Variants in RRM1 observed in about 807,000 individuals in gnomAD.
The protein encoded by RRM1 is ribonucleoside-diphosphate reductase large subunit.
A neutral mutation model predicts 101.5 loss-of-function variants in RRM1; 19 were observed. The observed-to-expected ratio is 0.19, with a 90% CI of 0.13 to 0.27. The LOEUF (loss-of-function observed/expected upper bound fraction) is 0.27, where lower values mean the gene tolerates loss of function less well. Among genes scored for constraint, RRM1 ranks in the 10% least tolerant of loss-of-function variants. The pLI is 1.00. For synonymous variants in RRM1, 298 were observed against 323.4 expected (o/e 0.92, Z 0.84); for missense variants, 500 against 962.9 (o/e 0.52, Z 6.36).
intron 1 of RRM1, among the ~76,000 whole-genome samples, chr11:4,101,063 A>G (rs2094550253): frequency 6.6e-6 from 1 of 152,214 alleles, no homozygotes; most frequent in South Asian, 2.1e-4. Flanking sequence ...CAGATGGGGT[A>G]AGTGCAATGG....
At chr11:4,110,226 CACTTCAACCT>C (rs1484958641) in intron 5 of RRM1, among the ~76,000 whole-genome samples, 1 of 152,040 alleles carries the variant, frequency 6.6e-6, no homozygotes, top group African/African-American at 2.4e-5. Flanking sequence ...GATCTTGGCT[CACTTCAACCT>C]CTGTCTCCTG....
At position 4,132,485 on chromosome 11, in the gene RRM1, C is replaced by T; in HGVS notation, c.1905+64C>T. 3.2e-6 allele frequency: 5 copies of T among 1,565,566 alleles called. No individual in the cohort carries two copies. The highest frequency in any genetic ancestry group is 4.4e-6 in the Non-Finnish European group (5 of 1,143,584). The stretch of plus-strand genomic sequence containing the variant: ...AAAAGCCTGATGTTGGGAGTAAATG[C>T]TCACTCATGTTTAATTTGCCCATTT... On this transcript the variant is annotated intron_variant, in intron 16 of 18. Coordinates refer to ENST00000300738, the MANE Select transcript of RRM1 (RefSeq NM_001033.5). The surrounding 1 kb of genome is among the most constrained non-coding windows in gnomAD (Gnocchi z 4.1).
At chr11:4,111,410 C>CAA (rs1165163692) in intron 5 of RRM1, among the ~76,000 whole-genome samples, 191 bp from the exon 6 acceptor site, 16 of 73,762 alleles carry the variant, frequency 2.2e-4, no homozygotes, top group Non-Finnish European at 2.5e-4. Context: ...GACTCTGTCT[C>CAA]AAAAAAAAAA....
chr11:4,131,685 G>A (rs4910888), intron 15 of RRM1, among the ~76,000 whole-genome samples: 61,180 of 151,996 alleles, frequency 0.4, 12,778 homozygotes, highest in African/African-American at 0.52. Context: ...GTCAGATAGT[G>A]TATTTTCTCT....
chr11:4,129,704 A>T (rs2094595819), intron 15 of RRM1, among the ~76,000 whole-genome samples: 1 of 152,176 alleles, frequency 6.6e-6, no homozygotes, highest in South Asian at 2.1e-4. Flanking sequence ...CAGAGTGAAT[A>T]ACAAAGCAAA....
intron 9 of RRM1, among the ~76,000 whole-genome samples, chr11:4,120,953 G>A (rs1565185784): frequency 6.6e-6 from 1 of 152,330 alleles, no homozygotes; most frequent in South Asian, 2.1e-4. Context: ...CGGTAGGCAG[G>A]AGGTTGCAGT....
chr11:4,114,902 G>T (rs150955276), intron 7 of RRM1, among the ~76,000 whole-genome samples: 3,604 of 152,074 alleles, frequency 0.024, 68 homozygotes, highest in Non-Finnish European at 0.036. Context: ...TAATACAGAC[G>T]GGGTTTCACC....
intron 12 of RRM1, 145 bp downstream of exon 12, chr11:4,123,529 C>A: frequency 1.5e-6 from 1 of 678,076 alleles, no homozygotes; most frequent in Non-Finnish European, 2.6e-6. Context: ...AGGCAGAGAG[C>A]AAAGGAAGGA....
chr11:4,128,067 G>C (rs903012585), intron 14 of RRM1, among the ~76,000 whole-genome samples: 5 of 151,800 alleles, frequency 3.3e-5, no homozygotes, highest in Non-Finnish European at 7.4e-5. Context: ...ACCATCTCTC[G>C]TTTCAAAAGG....
chr11:4,121,807 A>G lies in RRM1; in HGVS notation c.1038+42A>G, dbSNP rs564203767. The stretch of plus-strand genomic sequence containing the variant: ...TGTTGGTAATAGCAACTTGATTCAC[A>G]TGAGCTTTCTCTTTTTTAGTCATCT... On this transcript the variant is annotated intron_variant, in intron 10 of 18. Coordinates refer to ENST00000300738, the MANE Select transcript of RRM1 (RefSeq NM_001033.5). 19 of 1,534,942 alleles carry G rather than the reference A, an allele frequency of 1.2e-5. No homozygotes were observed. The South Asian group carries it at 1.4e-4, about 11-fold the overall frequency.
chr11:4,127,326 G>A (rs1291740231), intron 14 of RRM1, 70 bp downstream of exon 14: 6 of 934,186 alleles, frequency 6.4e-6, no homozygotes, highest in Admixed American at 2.8e-5. Context: ...CCCCACAAAA[G>A]GATATGTCCA....
intron 7 of RRM1, chr11:4,116,037 G>A (rs1166840746): frequency 1.3e-5 from 2 of 152,168 alleles, no homozygotes; most frequent in Admixed American, 1.3e-4. Flanking sequence ...CTTCTTTATT[G>A]AGCTCTCGGG....
Position 4,138,306 on chromosome 11 carries a change from G to A in RRM1, c.2302G>A (p.Glu768Lys), listed in dbSNP as rs774254431. ...KDKEKVSKEE[E>K]EKERNTAAMV... The stretch of plus-strand genomic sequence containing the variant: ...TAAAGAAAAGGTATCAAAAGAGGAA[G>A]AAGAGAAGGAGAGGAACACAGCAGC... Residue 768 changes from glutamate to lysine, a missense_variant, in exon 19 of 19, where the codon GAA (glutamate) becomes AAA (lysine). Physicochemically the swap from Glu to Lys is moderately conservative, Grantham distance 56. Coordinates refer to ENST00000300738, the MANE Select transcript of RRM1 (RefSeq NM_001033.5). 2.5e-6 allele frequency: 4 copies of A among 1,612,802 alleles called. No homozygotes were observed. The African/African-American group carries it at 5.3e-5, about 22-fold the overall frequency.
At chr11:4,121,569 T>C in intron 9 of RRM1, 35 bp from the exon 10 acceptor site, 2 of 1,540,290 alleles carry the variant, frequency 1.3e-6, no homozygotes, top group Non-Finnish European at 1.8e-6. Context: ...GTTTCATTTT[T>C]ATTCTGAAGA....
chr11:4,105,098 A>AT (rs577229633), intron 2 of RRM1, among the ~76,000 whole-genome samples: 3 of 152,044 alleles, frequency 2.0e-5, no homozygotes, highest in Admixed American at 6.6e-5. Context: ...CTATACTTAG[A>AT]TTTTTTTTAA....
rs781374016 is a variant in RRM1 at position 4,111,644 on chromosome 11, A to G, written c.487+4A>G. 2 of 1,600,532 alleles carry G rather than the reference A, an allele frequency of 1.2e-6. No homozygotes were observed. Among genetic ancestry groups the G allele is most frequent in the Non-Finnish European group, 1.7e-6 (2 of 1,170,784 alleles). On this transcript the variant is annotated splice_donor_region_variant and intron_variant, in intron 6 of 18. Transcript: ENST00000300738. Reference sequence around the variant, plus strand: ...TTGTTGAAGATCAATGGAAAAGGTGAGAAATGAACATGTTTGTCTGTTACA... The same window carrying G: ...TTGTTGAAGATCAATGGAAAAGGTGGGAAATGAACATGTTTGTCTGTTACA...
At chr11:4,136,245 A>G (rs1195830358) in intron 18 of RRM1, among the ~76,000 whole-genome samples, 2 of 151,784 alleles carry the variant, frequency 1.3e-5, no homozygotes, top group Non-Finnish European at 2.9e-5. Flanking sequence ...ATTTTGAGAC[A>G]GAGACTCACT....
intron 12 of RRM1, among the ~76,000 whole-genome samples, chr11:4,126,314 A>G (rs918013684): frequency 2.0e-5 from 3 of 152,222 alleles, no homozygotes; most frequent in Non-Finnish European, 2.9e-5. Context: ...AAATAGATAT[A>G]TGTAGCCAGT....
intron 3 of RRM1, 27 bp from the exon 4 acceptor site, chr11:4,107,408 A>C (rs758203657): frequency 2.1e-6 from 3 of 1,438,052 alleles, no homozygotes; most frequent in Non-Finnish European, 2.9e-6. Flanking sequence ...GTCTTGATAT[A>C]TTTTCATTTT....
Sources: gnomAD v4.1 joint callset for allele counts (sites outside exome capture counted in the v4.1 genomes callset) on GRCh38, gnomAD v4.1.1 for gene constraint, Gnocchi (gnomAD v3.1) non-coding constraint, MANE v1.5 for transcripts, NCBI Gene and HGNC (gene_info 2026-07-23, HGNC 2026-07-21) for gene names.